The following LGI1 variants were observed in gnomAD, a reference collection of about 807,000 sequenced individuals.
The protein encoded by LGI1 is leucine rich glioma inactivated 1.
LGI1 carries 11 observed loss-of-function variants against 57.7 expected under a neutral mutation model. The observed-to-expected ratio is 0.19, with a 90% CI of 0.12 to 0.32. The LOEUF (loss-of-function observed/expected upper bound fraction) is 0.32. LGI1 is among the 10% of genes least tolerant of loss of function. LGI1 has a pLI of 1.00. For missense variants in LGI1, 422 were observed against 661.9 expected, an observed-to-expected ratio of 0.64 and a Z score of 3.98; for synonymous variants, 222 against 241.9, an observed-to-expected ratio of 0.92 and a Z score of 0.76.
At chr10:93,771,158 C>T (rs2059734151) in intron 2 of LGI1, 1 of 152,112 alleles carries the variant, frequency 6.6e-6, no homozygotes, top group Non-Finnish European at 1.5e-5. Flanking sequence ...TCTGTTAATT[C>T]TGTTAATTAT....
chr10:93,793,132 A>T (rs1403769360), intron 6 of LGI1, 54 bp from the exon 7 acceptor site: 1 of 1,439,304 alleles, frequency 6.9e-7, no homozygotes, highest in East Asian at 2.3e-5. Flanking sequence ...TTTAAGATCT[A>T]GCCAAGGAAA....
chr10:93,792,595 T>G, intron 5 of LGI1, 148 bp from the exon 6 acceptor site: 1 of 778,376 alleles, frequency 1.3e-6, no homozygotes, highest in Non-Finnish European at 2.3e-6. Flanking sequence ...CCAAAGTGAA[T>G]GAGTGGTCAG....
At chr10:93,767,498 T>G (rs1195442050) in intron 2 of LGI1, 1 of 152,252 alleles carries the variant, frequency 6.6e-6, no homozygotes, top group Non-Finnish European at 1.5e-5. Context: ...ATATTGGTTC[T>G]ATGGAACATA....
At chr10:93,776,323 A>G (rs1489883068) in intron 2 of LGI1, among the ~76,000 whole-genome samples, 3 of 152,136 alleles carry the variant, frequency 2.0e-5, no homozygotes, top group Non-Finnish European at 4.4e-5. Context: ...AGTAAAATTC[A>G]CTCTTATGTA....
At chr10:93,796,172 A>AT (rs1252727090) in intron 7 of LGI1, among the ~76,000 whole-genome samples, 14 of 152,200 alleles carry the variant, frequency 9.2e-5, no homozygotes, top group Admixed American at 6.5e-5. Flanking sequence ...CCTTCTTTCG[A>AT]TTTTTTTAAA....
intron 2 of LGI1, chr10:93,765,337 G>A (rs1278488721): frequency 1.3e-5 from 2 of 152,172 alleles, no homozygotes; most frequent in Non-Finnish European, 2.9e-5. Context: ...GTTTGGGGCG[G>A]TAAGACCAAT....
intron 5 of LGI1, chr10:93,792,083 A>G (rs1002211514): frequency 6.6e-6 from 1 of 152,528 alleles, no homozygotes; most frequent in African/African-American, 2.4e-5. Flanking sequence ...ATTTTTTAAC[A>G]GTTAAATTTA....
intron 4 of LGI1, chr10:93,780,313 A>C (rs150913335): frequency 1.3e-5 from 2 of 152,416 alleles, no homozygotes; most frequent in East Asian, 3.9e-4. Context: ...CTGAAACCCA[A>C]ATTTCCCTCT....
Position 93,790,413 on chromosome 10 carries a change from A to G in LGI1, c.503+243A>G, listed in dbSNP as rs576205419. 7.3e-5 allele frequency: 37 copies of G among 507,228 alleles called. No homozygotes were observed. In the South Asian group the frequency reaches 8.5e-4, roughly 12 times the overall value. The allele number at this position is 507,228 out of a possible 1,614,324, so 31.4% of individuals were successfully genotyped here. On this transcript the variant is annotated intron_variant, in intron 5 of 7. Coordinates refer to ENST00000371418, the MANE Select transcript of LGI1 (RefSeq NM_005097.4). The stretch of plus-strand genomic sequence containing the variant: ...CATTCCTTTGACAAAGTGTGTGTCA[A>G]TACGGCAGGGAGCGATGATAAAGGA...
chr10:93,788,420 A>G (rs4917921), intron 4 of LGI1: 140,540 of 150,994 alleles, frequency 0.93, 65,262 homozygotes, highest in Non-Finnish European at 0.98. Flanking sequence ...TAGTTCAGAC[A>G]CCTGCACCAT....
chr10:93,792,934 C>T, intron 6 of LGI1, 22 bp downstream of exon 6: 1 of 1,608,836 alleles, frequency 6.2e-7, no homozygotes, highest in South Asian at 1.1e-5. Flanking sequence ...ATCATCATTC[C>T]ACCTCAAAAA....
At chr10:93,791,078 A>G (rs2059933997) in intron 5 of LGI1, 1 of 152,234 alleles carries the variant, frequency 6.6e-6, no homozygotes, top group South Asian at 2.1e-4. Flanking sequence ...TTTAACTTCA[A>G]ATCAGTAGCC....
intron 4 of LGI1, among the ~76,000 whole-genome samples, chr10:93,783,495 G>A (rs1190313785): frequency 6.6e-6 from 1 of 152,162 alleles, no homozygotes; most frequent in African/African-American, 2.4e-5. Flanking sequence ...GTTGCCTTGG[G>A]ATTTCTACCA....
chr10:93,772,060 A>G (rs1028059947), intron 2 of LGI1: 31 of 152,294 alleles, frequency 2.0e-4, no homozygotes, highest in African/African-American at 7.5e-4. Flanking sequence ...TTAAACTTCT[A>G]TATGTTAAAA....
At chr10:93,783,658 C>T (rs1287176848) in intron 4 of LGI1, among the ~76,000 whole-genome samples, 1 of 152,170 alleles carries the variant, frequency 6.6e-6, no homozygotes, top group Non-Finnish European at 1.5e-5. Context: ...CTTTTCTTTG[C>T]CTAGATATGT....
intron 2 of LGI1, among the ~76,000 whole-genome samples, chr10:93,761,585 A>G (rs1266620983): frequency 6.6e-6 from 1 of 152,192 alleles, no homozygotes; most frequent in East Asian, 1.9e-4. Flanking sequence ...GGTACTGAGG[A>G]AAATAGACAT....
intron 2 of LGI1, chr10:93,773,027 C>T (rs2059755475): frequency 6.6e-6 from 1 of 151,834 alleles, no homozygotes; most frequent in African/African-American, 2.4e-5. Context: ...TTGCAGTAAG[C>T]CAAGATCGCG....
intron 2 of LGI1, among the ~76,000 whole-genome samples, chr10:93,760,523 T>C (rs1173870980): frequency 6.6e-6 from 1 of 152,246 alleles, no homozygotes; most frequent in Non-Finnish European, 1.5e-5. Context: ...AGATCAGTCC[T>C]TAAAATTCCA....
intron 2 of LGI1, chr10:93,767,986 A>G (rs1486539582): frequency 6.6e-6 from 1 of 152,226 alleles, no homozygotes; most frequent in Non-Finnish European, 1.5e-5. Context: ...GCTCAATGAT[A>G]AAAGAGTCGC....
Sources: gnomAD v4.1 joint callset for allele counts (sites outside exome capture counted in the v4.1 genomes callset) on GRCh38, gnomAD v4.1.1 for gene constraint, MANE v1.5 for transcripts, NCBI Gene and HGNC (gene_info 2026-07-23, HGNC 2026-07-21) for gene names.